Variants in NEGR1 observed in about 807,000 individuals in gnomAD.
The protein encoded by NEGR1 is IgLON family member 4.
In NEGR1, 10 loss-of-function variants were observed where a neutral mutation model predicts 40.9. The observed-to-expected ratio is 0.24, with a 90% CI of 0.15 to 0.42. NEGR1 has a LOEUF of 0.42. NEGR1 is among the 10% of genes least tolerant of loss of function. The probability of loss-of-function intolerance (pLI) is 1.00; values close to 1 mark genes in which losing one functional copy is unlikely to be tolerated. For missense variants in NEGR1, 352 were observed against 438.9 expected, an observed-to-expected ratio of 0.80 and a Z score of 1.77; for synonymous variants, 185 against 166.8, an observed-to-expected ratio of 1.11 and a Z score of -0.84.
chr1:71,649,528 G>T (rs1651640641), intron 4 of NEGR1, among the ~76,000 whole-genome samples: 2 of 151,988 alleles, frequency 1.3e-5, no homozygotes. Context: ...CATGAGGCTT[G>T]GTTAATTACC....
chr1:71,659,829 A>G (rs906994987), intron 4 of NEGR1, among the ~76,000 whole-genome samples: 1 of 152,156 alleles, frequency 6.6e-6, no homozygotes, highest in Non-Finnish European at 1.5e-5. Flanking sequence ...AAAATAACAG[A>G]TGCTGATGAT....
intron 4 of NEGR1, among the ~76,000 whole-genome samples, chr1:71,666,214 A>AT (rs755598616): frequency 7.2e-5 from 11 of 152,042 alleles, no homozygotes; most frequent in South Asian, 2.1e-4. Context: ...TGATAGTTCT[A>AT]TTTTTTTTAC....
At chr1:71,556,322 A>G (rs1417059665) in intron 6 of NEGR1, among the ~76,000 whole-genome samples, 1 of 151,538 alleles carries the variant, frequency 6.6e-6, no homozygotes, top group African/African-American at 2.4e-5. Context: ...TTCATTAGCT[A>G]GTTAAGAGAC....
chr1:71,770,497 A>G (rs773659411), intron 3 of NEGR1, among the ~76,000 whole-genome samples: 4 of 152,224 alleles, frequency 2.6e-5, no homozygotes, highest in Non-Finnish European at 5.9e-5. Context: ...AAATGTAATG[A>G]TTCTAACTCC....
intron 1 of NEGR1, among the ~76,000 whole-genome samples, chr1:72,202,090 C>T (rs1653237747): frequency 6.6e-6 from 1 of 151,960 alleles, no homozygotes; most frequent in East Asian, 1.9e-4. Flanking sequence ...TGCGGTAAGT[C>T]AAACATTTTA....
At chr1:72,081,507 A>G (rs932673902) in intron 1 of NEGR1, among the ~76,000 whole-genome samples, 3 of 152,086 alleles carry the variant, frequency 2.0e-5, no homozygotes, top group Non-Finnish European at 2.9e-5. Flanking sequence ...GCCACATTTT[A>G]AAGTTATATG....
chr1:72,169,209 T>C (rs1275916471), intron 1 of NEGR1, among the ~76,000 whole-genome samples: 1 of 152,186 alleles, frequency 6.6e-6, no homozygotes, highest in Non-Finnish European at 1.5e-5. Flanking sequence ...TATTAAATGT[T>C]GTTGAACAAA....
At chr1:72,113,659 T>C (rs1004075274) in intron 1 of NEGR1, among the ~76,000 whole-genome samples, 4 of 151,702 alleles carry the variant, frequency 2.6e-5, no homozygotes, top group Non-Finnish European at 5.9e-5. Flanking sequence ...GGCTGAGGAA[T>C]TGTACCTACT....
At chr1:72,278,846 T>C (rs1437575429) in intron 1 of NEGR1, among the ~76,000 whole-genome samples, 2 of 152,130 alleles carry the variant, frequency 1.3e-5, no homozygotes, top group African/African-American at 4.8e-5. Context: ...ATTTAATAAG[T>C]TAATGGCAAC....
At chr1:71,972,659 T>G (rs931892893) in intron 1 of NEGR1, among the ~76,000 whole-genome samples, 1 of 152,192 alleles carries the variant, frequency 6.6e-6, no homozygotes, top group Non-Finnish European at 1.5e-5. Flanking sequence ...GCTACGATTT[T>G]ATTTCCTGCC....
intron 6 of NEGR1, among the ~76,000 whole-genome samples, chr1:71,570,141 G>T (rs1648764270): frequency 6.6e-6 from 1 of 152,162 alleles, no homozygotes; most frequent in South Asian, 2.1e-4. Context: ...TTTCCAAGGG[G>T]AGTCCATGAT....
At chr1:71,678,699 T>G (rs2101607627) in intron 4 of NEGR1, among the ~76,000 whole-genome samples, 1 of 152,308 alleles carries the variant, frequency 6.6e-6, no homozygotes, top group South Asian at 2.1e-4. Flanking sequence ...GTTCAACAGT[T>G]ACTTGTTGGT....
intron 1 of NEGR1, among the ~76,000 whole-genome samples, chr1:72,018,453 A>G (rs1385007032): frequency 6.6e-6 from 1 of 152,148 alleles, no homozygotes; most frequent in African/African-American, 2.4e-5. Context: ...TTGTCGAAAA[A>G]TATATACAAA....
intron 1 of NEGR1, among the ~76,000 whole-genome samples, chr1:72,085,158 T>C (rs1423513951): frequency 4.6e-5 from 7 of 152,168 alleles, no homozygotes; most frequent in African/African-American, 1.7e-4. Context: ...TCAATAAAGG[T>C]AATATGTTTT....
intron 1 of NEGR1, among the ~76,000 whole-genome samples, chr1:71,956,726 G>A (rs1225795587): frequency 1.3e-5 from 2 of 151,980 alleles, no homozygotes; most frequent in African/African-American, 4.8e-5. Context: ...AAGTACACTT[G>A]GTCTAAAGTC....
intron 3 of NEGR1, among the ~76,000 whole-genome samples, chr1:71,742,456 T>C (rs975552987): frequency 9.9e-5 from 15 of 152,172 alleles, no homozygotes; most frequent in African/African-American, 3.6e-4. Context: ...CCACCACTTC[T>C]AGTGAGTCTG....
intron 2 of NEGR1, among the ~76,000 whole-genome samples, chr1:71,787,954 A>G (rs749516551): frequency 3.3e-5 from 5 of 152,216 alleles, no homozygotes; most frequent in Non-Finnish European, 7.3e-5. Flanking sequence ...CTCACCTGTC[A>G]AAAACTAACC....
chr1:71,450,560 A>G (rs1389160397), intron 6 of NEGR1, among the ~76,000 whole-genome samples: 1 of 151,166 alleles, frequency 6.6e-6, no homozygotes, highest in African/African-American at 2.4e-5. Flanking sequence ...TAATCCCAGC[A>G]CTTTGGGAGG....
intron 6 of NEGR1, among the ~76,000 whole-genome samples, chr1:71,445,859 G>A (rs1048876723): frequency 2.0e-5 from 3 of 152,172 alleles, no homozygotes; most frequent in Admixed American, 1.3e-4. Context: ...GCTCTCTTGA[G>A]TGTGATATTC....
Sources: allele counts gnomAD v4.1 joint callset (sites outside exome capture counted in the v4.1 genomes callset), GRCh38; gene constraint gnomAD v4.1.1; transcripts MANE v1.5; gene names NCBI Gene and HGNC (gene_info 2026-07-23, HGNC 2026-07-21).